The following ATP11A variants were observed in gnomAD, a reference collection of about 807,000 sequenced individuals.
The protein encoded by ATP11A is ATPase phospholipid transporting 11A, also known as phospholipid-transporting ATPase IH.
In ATP11A, 81 loss-of-function variants were observed where a neutral mutation model predicts 154.4. The observed-to-expected ratio is 0.52, with a 90% CI of 0.44 to 0.63. ATP11A has a LOEUF of 0.63. Ranked by LOEUF, ATP11A falls within the 30% of genes least tolerant of loss-of-function variation. The pLI, the probability that ATP11A is intolerant of heterozygous loss-of-function variation, is 0.00. For synonymous variants in ATP11A, 623 were observed against 585.9 expected, an observed-to-expected ratio of 1.06 and a Z score of -0.91; for missense variants, 1,316 against 1,474.3, an observed-to-expected ratio of 0.89 and a Z score of 1.76.
At chr13:112,768,556 T>C (rs1161714179) in intron 1 of ATP11A, among the ~76,000 whole-genome samples, 1 of 152,234 alleles carries the variant, frequency 6.6e-6, no homozygotes, top group African/African-American at 2.4e-5. Context: ...ATTTTGGAAA[T>C]ATGCCTACAA....
intron 1 of ATP11A, among the ~76,000 whole-genome samples, chr13:112,730,190 C>T (rs1243542463): frequency 2.0e-5 from 3 of 152,230 alleles, no homozygotes; most frequent in Non-Finnish European, 4.4e-5. Flanking sequence ...GGGCATCCTG[C>T]AGTCACATGG....
chr13:112,833,634 T>A (rs2079155309), intron 14 of ATP11A, among the ~76,000 whole-genome samples: 1 of 152,212 alleles, frequency 6.6e-6, no homozygotes, highest in African/African-American at 2.4e-5. Flanking sequence ...TGTTCGCGCT[T>A]CTCACCTCAT....
intron 1 of ATP11A, among the ~76,000 whole-genome samples, chr13:112,721,420 C>G (rs1376118122): frequency 6.6e-6 from 1 of 152,184 alleles, no homozygotes; most frequent in Non-Finnish European, 1.5e-5. Context: ...TGTTCTCTTG[C>G]GTGTGCATTT....
chr13:112,796,772 C>G (rs988366614), intron 2 of ATP11A, among the ~76,000 whole-genome samples: 4 of 152,116 alleles, frequency 2.6e-5, no homozygotes, highest in African/African-American at 9.7e-5. Context: ...GTCAAAGGAC[C>G]CGTGACCTTG....
intron 13 of ATP11A, 100 bp from the exon 14 acceptor site, chr13:112,832,760 C>T: frequency 1.6e-6 from 2 of 1,265,570 alleles, no homozygotes; most frequent in East Asian, 2.5e-5. Flanking sequence ...GCCGCGGGGA[C>T]CCCCCCCACC....
chr13:112,703,107 G>A (rs1886761089), intron 1 of ATP11A, among the ~76,000 whole-genome samples: 2 of 152,216 alleles, frequency 1.3e-5, no homozygotes, highest in South Asian at 2.1e-4. Context: ...GAGCTCAGCC[G>A]CTGTTACAGA....
Position 112,854,420 on chromosome 13 carries a change from G to A in ATP11A, c.2133G>A (p.Leu711=), listed in dbSNP as rs1187526400. 1 of 1,613,380 alleles carries A rather than the reference G, an allele frequency of 6.2e-7. No homozygotes were observed. The highest frequency in any genetic ancestry group is 1.3e-5 in the African/African-American group (1 of 74,998). Residue 711 remains leucine (L), a synonymous_variant, in exon 19 of 30, where the codon CTG becomes CTA. Transcript: ENST00000375645. ...CKLFRRNTQL[L]ELTTKRIEEQ... is the part of the protein sequence containing the mutation. ...TCTTCCGCAGGAACACGCAGCTGCT[G>A]GAGCTGACCACCAAGAGGATCGAGG... is the stretch of plus-strand genomic sequence containing the variant.
At chr13:112,860,162 G>A (rs887005949) in intron 23 of ATP11A, 125 bp from the exon 24 acceptor site, 2 of 1,103,312 alleles carry the variant, frequency 1.8e-6, no homozygotes, top group African/African-American at 3.2e-5. Context: ...AGTTTATATT[G>A]TTAAGCTTTG....
intron 15 of ATP11A, among the ~76,000 whole-genome samples, chr13:112,835,097 C>T (rs1165941483): frequency 6.6e-6 from 1 of 152,232 alleles, no homozygotes; most frequent in East Asian, 1.9e-4. Flanking sequence ...AGCACAGCGT[C>T]GTGTCGAAAA....
chr13:112,734,692 TTC>T (rs1890818710), intron 1 of ATP11A, among the ~76,000 whole-genome samples: 1 of 152,222 alleles, frequency 6.6e-6, no homozygotes, highest in African/African-American at 2.4e-5. Flanking sequence ...ATATGAATAT[TTC>T]TCTTTTTCAG....
intron 1 of ATP11A, among the ~76,000 whole-genome samples, chr13:112,695,662 A>AGC (rs1885721699): frequency 6.6e-6 from 1 of 152,204 alleles, no homozygotes; most frequent in Non-Finnish European, 1.5e-5. Flanking sequence ...CAATTAGTTA[A>AGC]AACTGTGTTG....
intron 1 of ATP11A, among the ~76,000 whole-genome samples, chr13:112,738,755 G>A (rs1288697339): frequency 3.0e-5 from 4 of 133,496 alleles, no homozygotes; most frequent in Non-Finnish European, 4.7e-5. Context: ...GCCGTCAGCC[G>A]TGTTGTTTTG....
At chr13:112,840,286 A>C (rs1485823439) in intron 16 of ATP11A, among the ~76,000 whole-genome samples, 22 of 23,274 alleles carry the variant, frequency 9.5e-4, no homozygotes, top group Non-Finnish European at 1.4e-3. Context: ...CAGCCTCCCC[A>C]CTCTCCCGTG....
intron 1 of ATP11A, among the ~76,000 whole-genome samples, chr13:112,757,582 C>G (rs2139853374): frequency 6.6e-6 from 1 of 152,324 alleles, no homozygotes; most frequent in Non-Finnish European, 1.5e-5. Context: ...CAGGAGGTCC[C>G]CTCACGGAGG....
At chr13:112,802,203 G>A (rs759195180) in intron 2 of ATP11A, among the ~76,000 whole-genome samples, 58 of 152,188 alleles carry the variant, frequency 3.8e-4, no homozygotes, top group Middle Eastern at 3.4e-3. Flanking sequence ...AAAATTAGCC[G>A]GGCGTGGTGG....
intron 5 of ATP11A, among the ~76,000 whole-genome samples, chr13:112,815,630 T>C (rs929541122): frequency 1.3e-5 from 2 of 152,258 alleles, no homozygotes; most frequent in Admixed American, 6.5e-5. Flanking sequence ...ATTTTTACTT[T>C]AGTTTTTGAA....
chr13:112,721,891 C>G (rs995881886), intron 1 of ATP11A, among the ~76,000 whole-genome samples: 1 of 152,216 alleles, frequency 6.6e-6, no homozygotes, highest in Admixed American at 6.5e-5. Flanking sequence ...ACCAGGCCGT[C>G]AGCACCGCAG....
At chr13:112,825,693 G>A in intron 11 of ATP11A, 113 bp downstream of exon 11, 2 of 1,251,216 alleles carry the variant, frequency 1.6e-6, no homozygotes, top group Non-Finnish European at 2.2e-6. Context: ...AAAGCAGCTT[G>A]ATTGATTCAG....
rs72485685 is a variant in ATP11A at position 112,755,587 on chromosome 13, A to G, written c.40-29548A>G. 6.9e-3 allele frequency among the ~76,000 whole-genome samples: 1,044 copies of G among 152,058 alleles called. 24 individuals are homozygous for G. The East Asian group carries it at 0.095, about 14-fold the overall frequency. ...CAGTCACGGAACCGTCACTCAGAGC[A>G]GCTCCCAGAACCATTTCCAATCATG... On this transcript the variant is annotated intron_variant, in intron 1 of 29. Transcript: ENST00000375645.
Sources: gnomAD v4.1 joint callset for allele counts (sites outside exome capture counted in the v4.1 genomes callset) on GRCh38, gnomAD v4.1.1 for gene constraint, MANE v1.5 for transcripts, NCBI Gene and HGNC (gene_info 2026-07-23, HGNC 2026-07-21) for gene names.